FREM1: variants seen among roughly 807,000 people sequenced by gnomAD.
FREM1 encodes FRAS1 related extracellular matrix 1, also known as FRAS1-related extracellular matrix protein 1.
Under a neutral mutation model 210.1 loss-of-function variants are expected in FREM1, and 220 were observed. That is an observed-to-expected ratio of 1.05 (90% CI 0.94 to 1.17). FREM1 has a LOEUF of 1.17. FREM1 is among the 50% of genes most tolerant of loss of function. FREM1 has a pLI of 0.00. For synonymous variants in FREM1, 1,189 were observed against 980.2 expected (o/e 1.21, Z -3.98); for missense variants, 3,454 against 2,675.5 (o/e 1.29, Z -6.42).
chr9:14,821,361 T>A (rs1043305725), intron 13 of FREM1, among the ~76,000 whole-genome samples: 2 of 152,222 alleles, frequency 1.3e-5, no homozygotes, highest in African/African-American at 4.8e-5. Context: ...AAATTAACTT[T>A]TTTCCTTTAC....
intron 24 of FREM1, 181 bp from the exon 25 acceptor site, chr9:14,776,384 T>C: frequency 1.8e-6 from 1 of 552,448 alleles, no homozygotes; most frequent in Non-Finnish European, 3.0e-6. Flanking sequence ...GAGTAATGCA[T>C]AAATGGACCA....
At chr9:14,822,638 A>T (rs1296821093) in intron 13 of FREM1, among the ~76,000 whole-genome samples, 1 of 152,228 alleles carries the variant, frequency 6.6e-6, no homozygotes, top group Non-Finnish European at 1.5e-5. Context: ...AAAATGCACA[A>T]GGTAGCAATG....
chr9:14,886,384 CAAAAAAAAAAAAA>C (rs60702421), intron 1 of FREM1, among the ~76,000 whole-genome samples: 2 of 59,810 alleles, frequency 3.3e-5, no homozygotes, highest in South Asian at 9.6e-4. Context: ...GACTCCGACT[CAAAAAAAAAAAAA>C]AAAAAAAAAA....
intron 1 of FREM1, among the ~76,000 whole-genome samples, chr9:14,869,871 T>C (rs1181273437): frequency 3.9e-5 from 6 of 152,218 alleles, no homozygotes; most frequent in East Asian, 1.9e-4. Flanking sequence ...TGAGGTGACA[T>C]AGCTTCAGCA....
chr9:14,844,052 T>TGCTTTA (rs1826162526), intron 8 of FREM1, among the ~76,000 whole-genome samples: 1 of 152,166 alleles, frequency 6.6e-6, no homozygotes, highest in African/African-American at 2.4e-5. Context: ...AGTTAAAGTA[T>TGCTTTA]ACAGAATGCT....
At chr9:14,861,110 CATATATAT>C (rs375611094) in intron 3 of FREM1, among the ~76,000 whole-genome samples, 1 of 79,574 alleles carries the variant, frequency 1.3e-5, no homozygotes, top group African/African-American at 5.9e-5. Flanking sequence ...CATATATACA[CATATATAT>C]ACATATATAC....
chr9:14,797,567 T>A lies in FREM1; in HGVS notation c.3770A>T (p.Lys1257Ile). The change falls in exon 21 of 37, where the codon AAA (lysine) becomes ATA (isoleucine). Residue 1257 changes from lysine (K) to isoleucine (I), a missense_variant. By Grantham distance (102) the Lys-to-Ile change is moderately radical. Transcript: ENST00000380880. ...TGAAATGGTTTTAAGTATCTTATGT[T>A]TCCCATCTGACAATTGGATTGTAAA... is the stretch of plus-strand genomic sequence containing the variant. ...DDFTIQLSDG[K>I]HKILKTISVE... 1 of 1,612,986 alleles carries A rather than the reference T, an allele frequency of 6.2e-7. No individual in the cohort carries two copies. The highest frequency in any genetic ancestry group is 8.5e-7 in the Non-Finnish European group (1 of 1,179,054).
chr9:14,857,793 C>A, intron 4 of FREM1, 44 bp from the exon 5 acceptor site: 3 of 1,443,448 alleles, frequency 2.1e-6, no homozygotes, highest in South Asian at 2.7e-5. Flanking sequence ...TTAAACATAA[C>A]AATTGTAAAA....
chr9:14,835,860 T>G (rs1309771717), intron 10 of FREM1, among the ~76,000 whole-genome samples: 1 of 152,238 alleles, frequency 6.6e-6, no homozygotes, highest in African/African-American at 2.4e-5. Flanking sequence ...GCTCCAAAAC[T>G]TATCATACAT....
chr9:14,785,789 T>C (rs34709613), intron 23 of FREM1, among the ~76,000 whole-genome samples: 28,614 of 152,128 alleles, frequency 0.19, 3,278 homozygotes, highest in East Asian at 0.31. Flanking sequence ...AGTCATTATT[T>C]AATGGGTATA....
intron 1 of FREM1, among the ~76,000 whole-genome samples, chr9:14,893,900 T>C (rs1837278986): frequency 6.6e-6 from 1 of 152,196 alleles, no homozygotes; most frequent in Non-Finnish European, 1.5e-5. Flanking sequence ...TAAAGGGGTA[T>C]TAATCAGTTT....
intron 1 of FREM1, among the ~76,000 whole-genome samples, chr9:14,874,864 T>C (rs1174507019): frequency 1.3e-5 from 2 of 152,206 alleles, no homozygotes; most frequent in Non-Finnish European, 2.9e-5. Context: ...GCAGGCCTGG[T>C]GGTGACAAAA....
intron 15 of FREM1, 47 bp downstream of exon 15, chr9:14,816,731 A>G (rs1432364075): frequency 4.0e-6 from 4 of 1,012,410 alleles, no homozygotes; most frequent in Non-Finnish European, 5.4e-6. Context: ...TTATGGCAGC[A>G]CAAAACAGAC....
At chr9:14,900,132 C>T (rs1043948957) in intron 1 of FREM1, among the ~76,000 whole-genome samples, 2 of 152,166 alleles carry the variant, frequency 1.3e-5, no homozygotes, top group African/African-American at 4.8e-5. Context: ...ACTGGGTCTG[C>T]GCTATTAATG....
At chr9:14,822,252 C>T (rs956338085) in intron 13 of FREM1, among the ~76,000 whole-genome samples, 5 of 152,098 alleles carry the variant, frequency 3.3e-5, no homozygotes, top group East Asian at 1.9e-4. Context: ...TTATTAGCAG[C>T]GTGAGAACAG....
chr9:14,818,545 C>A (rs1282431871), intron 14 of FREM1, among the ~76,000 whole-genome samples: 1 of 152,122 alleles, frequency 6.6e-6, no homozygotes, highest in African/African-American at 2.4e-5. Context: ...GTGGGTCTAC[C>A]CGACCATTGC....
At chr9:14,882,335 G>C (rs114772021) in intron 1 of FREM1, among the ~76,000 whole-genome samples, 5,304 of 150,886 alleles carry the variant, frequency 0.035, 327 homozygotes, top group African/African-American at 0.12. Context: ...CTGCCAGGAA[G>C]AGACAAGAGA....
chr9:14,806,253 C>CTTT lies in FREM1; in HGVS notation c.3274+405_3274+407dup, dbSNP rs35603165. 2.7e-3 allele frequency among the ~76,000 whole-genome samples: 349 copies of CTTT among 129,730 alleles called. 9 individuals carry two copies. Among genetic ancestry groups the CTTT allele is most frequent in the African/African-American group, 9.7e-3 (320 of 33,122 alleles). The allele number at this position is 129,730 out of a possible 152,430, so 85.1% of individuals were successfully genotyped here. On this transcript the variant is annotated intron_variant, in intron 18 of 36. Transcript: ENST00000380880. ...CATTGAATACATATGGTGCTTTAAACTTTTTTTTTTTTTTTTTTGAGACGG... is the reference window on the plus strand; with the variant it reads ...CATTGAATACATATGGTGCTTTAAACTTTTTTTTTTTTTTTTTTTTTGAGACGG...
chr9:14,749,466 T>C (rs1321823568), intron 30 of FREM1, among the ~76,000 whole-genome samples: 4 of 152,040 alleles, frequency 2.6e-5, no homozygotes, highest in African/African-American at 9.7e-5. Flanking sequence ...AATGGGAGTG[T>C]AAGATTGAGT....
Sources: gnomAD v4.1 joint callset for allele counts (sites outside exome capture counted in the v4.1 genomes callset) on GRCh38, gnomAD v4.1.1 for gene constraint, MANE v1.5 for transcripts, NCBI Gene and HGNC (gene_info 2026-07-23, HGNC 2026-07-21) for gene names.